The following RNF175 variants were observed in gnomAD, a reference collection of about 807,000 sequenced individuals.
RNF175 encodes the protein ring finger protein 175.
RNF175 carries 38 observed loss-of-function variants against 50.0 expected under a neutral mutation model. The observed-to-expected ratio is 0.76, with a 90% confidence interval of 0.59 to 1.00. The LOEUF (loss-of-function observed/expected upper bound fraction) is 1.00. Ranked by LOEUF, RNF175 falls within the 50% of genes least tolerant of loss-of-function variation. RNF175 has a pLI of 0.00. For synonymous variants in RNF175, 155 were observed against 146.1 expected (o/e 1.06, Z -0.44); for missense variants, 388 against 409.6 (o/e 0.95, Z 0.46).
intron 1 of RNF175, among the ~76,000 whole-genome samples, chr4:153,754,494 T>C (rs755662456): frequency 6.6e-6 from 1 of 152,154 alleles, no homozygotes; most frequent in Non-Finnish European, 1.5e-5. Context: ...TGGGAGTCAG[T>C]GGGGTCAGTC....
intron 3 of RNF175, among the ~76,000 whole-genome samples, chr4:153,731,235 A>C (rs998393477): frequency 2.6e-5 from 4 of 152,210 alleles, no homozygotes; most frequent in Admixed American, 6.5e-5. Flanking sequence ...AAAATTTCTC[A>C]TTTTAAATAG....
At chr4:153,713,308 T>C (rs1737713939) in intron 7 of RNF175, 3 of 152,238 alleles carry the variant, frequency 2.0e-5, no homozygotes, top group Admixed American at 1.3e-4. Context: ...ATGTTTCTCC[T>C]AGACCATGTG....
intron 7 of RNF175, chr4:153,713,062 A>G (rs1737694698): frequency 6.6e-6 from 1 of 152,548 alleles, no homozygotes; most frequent in Admixed American, 6.5e-5. Flanking sequence ...AAATATTTCC[A>G]TTAACTTCAT....
At chr4:153,756,472 A>G (rs1445968950) in intron 1 of RNF175, among the ~76,000 whole-genome samples, 1 of 152,138 alleles carries the variant, frequency 6.6e-6, no homozygotes, top group East Asian at 1.9e-4. Context: ...TCAAAGCAGA[A>G]AAGCCTGGGG....
intron 3 of RNF175, among the ~76,000 whole-genome samples, chr4:153,744,250 C>T (rs1362166296): frequency 6.6e-6 from 1 of 152,066 alleles, no homozygotes; most frequent in Non-Finnish European, 1.5e-5. Flanking sequence ...GGTGAAACCC[C>T]ATCTCTACTA....
Position 153,752,852 on chromosome 4 carries a change from T to C in RNF175, c.67-1377A>G, listed in dbSNP as rs544115608. On this transcript the variant is annotated intron_variant, in intron 1 of 8. Coordinates refer to ENST00000347063, the MANE Select transcript of RNF175 (RefSeq NM_173662.4). Reference sequence around the variant, plus strand: ...AGTCCAAAAGGGCAAAGTACATGAATGAGAAATTCACGAATTGAGATATAC... The same window carrying C: ...AGTCCAAAAGGGCAAAGTACATGAACGAGAAATTCACGAATTGAGATATAC... 3.9e-5 allele frequency among the ~76,000 whole-genome samples: 6 copies of C among 152,240 alleles called. No homozygotes were observed. In the South Asian group the frequency reaches 1.2e-3, roughly 32 times the overall value.
intron 6 of RNF175, among the ~76,000 whole-genome samples, chr4:153,719,573 T>C (rs965951626): frequency 1.8e-4 from 27 of 152,204 alleles, no homozygotes; most frequent in African/African-American, 6.5e-4. Flanking sequence ...CTCCAAAGTA[T>C]GTCCATTCTG....
intron 7 of RNF175, chr4:153,712,962 T>A (rs1737691361): frequency 6.1e-6 from 1 of 164,808 alleles, no homozygotes; most frequent in Admixed American, 6.3e-5. Flanking sequence ...TTCTCTGTTC[T>A]ACTTTTTGTG....
intron 3 of RNF175, among the ~76,000 whole-genome samples, chr4:153,735,556 A>G (rs540446285): frequency 7.9e-5 from 12 of 152,342 alleles, no homozygotes; most frequent in African/African-American, 2.6e-4. Context: ...TGACATACAC[A>G]AAGTACCTTG....
rs139639265 is a variant in RNF175, at chr4:153,737,050, G to T, written c.247-8689C>A. Among the ~76,000 whole-genome samples, 537 of 152,116 alleles carry T rather than the reference G, an allele frequency of 3.5e-3. 2 individuals carry two copies. Among genetic ancestry groups the T allele is most frequent in the African/African-American group, 0.012 (507 of 41,490 alleles). On this transcript the variant is annotated intron_variant, in intron 3 of 8. Transcript: ENST00000347063. ...ATTTTCAAATTTTTTGTAGAGATGG[G>T]GTCTCATTATGTTGCCCAGGCTGGT...
At chr4:153,717,937 G>A (rs1738046379) in intron 6 of RNF175, among the ~76,000 whole-genome samples, 1 of 152,124 alleles carries the variant, frequency 6.6e-6, no homozygotes, top group African/African-American at 2.4e-5. Context: ...GAAATGTATA[G>A]TGTTATATAT....
intron 4 of RNF175, among the ~76,000 whole-genome samples, chr4:153,724,964 G>A (rs1276360249): frequency 1.8e-5 from 2 of 109,598 alleles, no homozygotes; most frequent in Non-Finnish European, 4.2e-5. Context: ...GGTGAGCTAC[G>A]TGGGGGAGCG....
intron 1 of RNF175, among the ~76,000 whole-genome samples, chr4:153,754,108 T>C (rs929608228): frequency 2.0e-5 from 3 of 149,352 alleles, no homozygotes; most frequent in African/African-American, 7.4e-5. Context: ...AGGTGGAACT[T>C]GCAGTGAGCT....
At chr4:153,752,556 TGTGAGAAAGAAAACCTTAAAA>T (rs1293825425) in intron 1 of RNF175, among the ~76,000 whole-genome samples, 1 of 152,244 alleles carries the variant, frequency 6.6e-6, no homozygotes, top group Non-Finnish European at 1.5e-5. Flanking sequence ...CTCTCTTAAA[TGTGAGAAAGAAAACCTTAAAA>T]GTACTAGAAG....
intron 6 of RNF175, among the ~76,000 whole-genome samples, chr4:153,717,640 G>A (rs1738021246): frequency 1.3e-5 from 2 of 152,000 alleles, no homozygotes; most frequent in Non-Finnish European, 2.9e-5. Context: ...ATGTATGGTG[G>A]TATCAAAATT....
chr4:153,742,878 AC>A (rs1324481162), intron 3 of RNF175, among the ~76,000 whole-genome samples: 1 of 151,568 alleles, frequency 6.6e-6, no homozygotes, highest in Non-Finnish European at 1.5e-5. Flanking sequence ...GATAGAGGTT[AC>A]AATATCAAGT....
chr4:153,715,250 C>T (rs1162179914), intron 7 of RNF175: 1 of 456,272 alleles, frequency 2.2e-6, no homozygotes, highest in African/African-American at 2.0e-5. Context: ...CAACCAATTT[C>T]CCCTGCCAGC....
chr4:153,738,342 T>A (rs527395921), intron 3 of RNF175, among the ~76,000 whole-genome samples: 85 of 147,178 alleles, frequency 5.8e-4, no homozygotes, highest in Non-Finnish European at 1.0e-3. Flanking sequence ...TGCCGCTACA[T>A]CTGGCTAATT....
At chr4:153,718,348 T>C (rs1738116705) in intron 6 of RNF175, among the ~76,000 whole-genome samples, 1 of 151,466 alleles carries the variant, frequency 6.6e-6, no homozygotes, top group South Asian at 2.1e-4. Context: ...TGTATGTCCT[T>C]ACCTCAGTCA....
Sources: gnomAD v4.1 joint callset for allele counts (sites outside exome capture counted in the v4.1 genomes callset) on GRCh38, gnomAD v4.1.1 for gene constraint, MANE v1.5 for transcripts, NCBI Gene and HGNC (gene_info 2026-07-23, HGNC 2026-07-21) for gene names.